The following LOC112694756 variants were observed in gnomAD, a reference collection of about 807,000 sequenced individuals.
At chr16:30,056,935 A>G in the LOC112694756 span, among the ~76,000 whole-genome samples, 1 of 116,768 alleles carries the variant, frequency 8.6e-6, no homozygotes, top group African/African-American at 3.4e-5. Context: ...TTTTGAGACG[A>G]GTCTTGCTCT....
At chr16:30,059,591 C>G in the LOC112694756 span, among the ~76,000 whole-genome samples, 1 of 149,942 alleles carries the variant, frequency 6.7e-6, no homozygotes, top group South Asian at 2.1e-4. Flanking sequence ...GAGTGCAGTG[C>G]TCCCTCTGTT....
chr16:30,056,086 C>T, the LOC112694756 span, among the ~76,000 whole-genome samples: 1 of 150,184 alleles, frequency 6.7e-6, no homozygotes, highest in Non-Finnish European at 1.5e-5. Flanking sequence ...CAGGCGTGAG[C>T]CACCATGGCC....
the LOC112694756 span, chr16:30,070,024 G>T: frequency 6.2e-7 from 1 of 1,613,786 alleles, no homozygotes; most frequent in Non-Finnish European, 8.5e-7. Flanking sequence ...TGTCAAGCGA[G>T]CCCTGGTAAG....
chr16:30,064,609 G>C, the LOC112694756 span: 1 of 397,534 alleles, frequency 2.5e-6, no homozygotes. Context: ...AGGGGCTTCA[G>C]GTTTCCCTAA....
the LOC112694756 span, chr16:30,059,128 C>A: frequency 5.0e-6 from 2 of 396,986 alleles, no homozygotes; most frequent in Non-Finnish European, 8.9e-6. Context: ...GTTTGTGAAT[C>A]TTTTACAAGT....
the LOC112694756 span, chr16:30,069,618 G>A: frequency 1.9e-6 from 3 of 1,614,078 alleles, no homozygotes. Flanking sequence ...CTCATGAGGA[G>A]ATTGCCATGG....
chr16:30,066,700 G>A, the LOC112694756 span, among the ~76,000 whole-genome samples: 1 of 152,224 alleles, frequency 6.6e-6, no homozygotes, highest in South Asian at 2.1e-4. Context: ...GAGGGGATTG[G>A]AAGGAACACC....
the LOC112694756 span, chr16:30,065,693 C>T: frequency 6.6e-6 from 1 of 152,274 alleles, no homozygotes; most frequent in African/African-American, 2.4e-5. Context: ...GCCCGCTCCT[C>T]GTAAAGGAAA....
the LOC112694756 span, chr16:30,070,294 T>C: frequency 2.1e-6 from 3 of 1,416,254 alleles, no homozygotes; most frequent in South Asian, 2.3e-5. Flanking sequence ...TCCTCGGGGC[T>C]CCAGGCTGGC....
At chr16:30,065,142 G>A in the LOC112694756 span, among the ~76,000 whole-genome samples, 1 of 152,240 alleles carries the variant, frequency 6.6e-6, no homozygotes, top group Non-Finnish European at 1.5e-5. Flanking sequence ...CTCGGATGGG[G>A]AGGTCTCGCC....
chr16:30,054,566 A>T, the LOC112694756 span: 1 of 373,730 alleles, frequency 2.7e-6, no homozygotes, highest in Admixed American at 4.6e-5. Context: ...AGAAGACTCT[A>T]GAATGCTGAA....
chr16:30,059,341 A>G, the LOC112694756 span, among the ~76,000 whole-genome samples: 1 of 151,198 alleles, frequency 6.6e-6, no homozygotes. Flanking sequence ...ACTAAAATAC[A>G]AAAAAAATTA....
At chr16:30,068,727 A>G in the LOC112694756 span, 2 of 1,614,226 alleles carry the variant, frequency 1.2e-6, no homozygotes, top group African/African-American at 1.3e-5. Context: ...TCTCTGCCCT[A>G]CGAACCCAAC....
chr16:30,059,023 G>A, the LOC112694756 span: 2 of 398,472 alleles, frequency 5.0e-6, no homozygotes, highest in African/African-American at 4.1e-5. Flanking sequence ...TGGAGCAGCG[G>A]TTGCTCAGCC....
chr16:30,057,925 T>C, the LOC112694756 span, among the ~76,000 whole-genome samples: 1 of 151,254 alleles, frequency 6.6e-6, no homozygotes, highest in African/African-American at 2.4e-5. Flanking sequence ...AGTGAGACTC[T>C]GTCTCAAAAA....
the LOC112694756 span, chr16:30,069,310 G>T: frequency 1.2e-6 from 2 of 1,614,070 alleles, no homozygotes; most frequent in South Asian, 2.2e-5. Context: ...CTGCAGAATG[G>T]CATTGTGCCC....
At chr16:30,061,032 A>C in the LOC112694756 span, among the ~76,000 whole-genome samples, 3 of 152,136 alleles carry the variant, frequency 2.0e-5, no homozygotes, top group Admixed American at 6.5e-5. Flanking sequence ...GAACTGTACA[A>C]CTGTGACTGT....
the LOC112694756 span, chr16:30,068,118 A>G: frequency 4.1e-6 from 1 of 243,124 alleles, no homozygotes; most frequent in East Asian, 1.1e-4. Context: ...GCTGGAGTGC[A>G]GTGGTGCGAT....
the LOC112694756 span, chr16:30,067,142 T>G: frequency 6.3e-7 from 1 of 1,588,808 alleles, no homozygotes; most frequent in Non-Finnish European, 8.6e-7. Flanking sequence ...GTAGGGAACA[T>G]TTCCCTGACC....
Sources: gnomAD v4.1 joint callset for allele counts (sites outside exome capture counted in the v4.1 genomes callset) on GRCh38, gnomAD v4.1.1 for gene constraint, MANE v1.5 for transcripts.